Variants in PREX1 observed in about 807,000 individuals in gnomAD.
PREX1 encodes phosphatidylinositol-3,4,5-trisphosphate dependent Rac exchange factor 1, also known as phosphatidylinositol 3,4,5-trisphosphate-dependent Rac exchanger 1 protein.
PREX1 carries 41 observed loss-of-function variants against 198.3 expected under a neutral mutation model. That is an observed-to-expected ratio of 0.21 (90% CI 0.16 to 0.27). The LOEUF is 0.27. Ranked by LOEUF, PREX1 falls within the 10% of genes least tolerant of loss-of-function variation. The pLI, the probability that PREX1 is intolerant of heterozygous loss-of-function variation, is 1.00. For missense variants in PREX1, 1,620 were observed against 2,200.7 expected (o/e 0.74, Z 5.28); for synonymous variants, 843 against 887.2 (o/e 0.95, Z 0.89).
At chr20:48,641,910 A>AAG (rs2089416207) in intron 29 of PREX1, among the ~76,000 whole-genome samples, 1 of 117,506 alleles carries the variant, frequency 8.5e-6, no homozygotes. Context: ...AAGGAAGGAA[A>AAG]AGAAACAGGA....
chr20:48,677,896 G>C (rs534506061), intron 13 of PREX1, among the ~76,000 whole-genome samples: 72 of 152,188 alleles, frequency 4.7e-4, no homozygotes, highest in Middle Eastern at 6.8e-3. Flanking sequence ...TGATGCAGGA[G>C]AATCGCTTGA....
chr20:48,665,400 G>A lies in PREX1; in HGVS notation c.1738+883C>T, dbSNP rs540817849. 9.3e-5 allele frequency among the ~76,000 whole-genome samples: 14 copies of A among 149,996 alleles called. No individual in the cohort carries two copies. In the East Asian group the frequency reaches 1.6e-3, roughly 17 times the overall value. ...TCCAGATGGCCTGAATTCTAATCCC[G>A]CCCCAGATGGCCTGAATTCTAATCC... On this transcript the variant is annotated intron_variant, in intron 15 of 39. Coordinates refer to ENST00000371941, the MANE Select transcript of PREX1 (RefSeq NM_020820.4).
chr20:48,884,067 G>A, the PREX1 span, among the ~76,000 whole-genome samples: 1 of 148,426 alleles, frequency 6.7e-6, no homozygotes, highest in Non-Finnish European at 1.5e-5. Flanking sequence ...CGTGAACTCA[G>A]GAGGCGGAGC....
intron 4 of PREX1, among the ~76,000 whole-genome samples, chr20:48,726,678 A>G (rs2090012065): frequency 6.6e-6 from 1 of 152,230 alleles, no homozygotes; most frequent in Non-Finnish European, 1.5e-5. Flanking sequence ...TGTTGGGGAA[A>G]AAAAGGCCAT....
chr20:48,644,029 G>A (rs2089433405), intron 27 of PREX1, among the ~76,000 whole-genome samples: 1 of 152,180 alleles, frequency 6.6e-6, no homozygotes, highest in Non-Finnish European at 1.5e-5. Flanking sequence ...GTTTACACAT[G>A]TATCATTTTT....
At chr20:48,664,875 CT>C (rs202049499) in intron 15 of PREX1, among the ~76,000 whole-genome samples, 6 of 106,644 alleles carry the variant, frequency 5.6e-5, no homozygotes, top group Middle Eastern at 6.7e-3. Context: ...CTAATCCCGG[CT>C]CCAGACGGCC....
intron 19 of PREX1, among the ~76,000 whole-genome samples, chr20:48,654,464 G>A (rs1040862577): frequency 6.6e-6 from 1 of 152,208 alleles, no homozygotes; most frequent in South Asian, 2.1e-4. Context: ...ACTGCAGCAC[G>A]TTTAGCAGGA....
At chr20:48,671,983 G>T (rs1384238741) in intron 14 of PREX1, among the ~76,000 whole-genome samples, 1 of 152,214 alleles carries the variant, frequency 6.6e-6, no homozygotes, top group Non-Finnish European at 1.5e-5. Flanking sequence ...GGTGCCTGGG[G>T]TTGGGGGGCT....
chr20:48,848,949 G>A, the PREX1 span, among the ~76,000 whole-genome samples: 1 of 151,754 alleles, frequency 6.6e-6, no homozygotes, highest in African/African-American at 2.4e-5. Context: ...TATTGGTCAG[G>A]CTGGTCTCGA....
At chr20:48,820,809 C>T (rs375928090) in intron 1 of PREX1, among the ~76,000 whole-genome samples, 1 of 152,188 alleles carries the variant, frequency 6.6e-6, no homozygotes, top group Non-Finnish European at 1.5e-5. Context: ...AAAGAATGGT[C>T]CAGCCCCGTA....
the PREX1 span, among the ~76,000 whole-genome samples, chr20:48,874,877 C>CA: frequency 0.13 from 17,146 of 130,316 alleles, 1,045 homozygotes; most frequent in Middle Eastern, 0.18. Flanking sequence ...AACTGTGTCT[C>CA]AAAAAAAAAA....
intron 3 of PREX1, 44 bp from the exon 4 acceptor site, chr20:48,734,694 C>T (rs1286716534): frequency 6.4e-7 from 1 of 1,569,484 alleles, no homozygotes. Context: ...GTCATGGTAG[C>T]AGGCAGGTGC....
At chr20:48,638,246 CCA>C (rs376099113) in intron 30 of PREX1, among the ~76,000 whole-genome samples, 13 of 152,232 alleles carry the variant, frequency 8.5e-5, no homozygotes, top group African/African-American at 2.6e-4. Flanking sequence ...CAAGTGCACA[CCA>C]CACACGTGCA....
Position 48,624,622 on chromosome 20 carries a change from C to T in PREX1, c.*1263G>A, listed in dbSNP as rs919520126. The T allele has an allele frequency of 6.6e-6, 1 of 152,312 alleles. No homozygotes were observed. The highest frequency in any genetic ancestry group is 6.5e-5 in the Admixed American group (1 of 15,292). 9.4% of individuals were successfully genotyped at this position (152,312 alleles called of 1,614,324 possible). On this transcript the variant is annotated 3_prime_UTR_variant, in exon 40 of 40. Coordinates refer to ENST00000371941, the MANE Select transcript of PREX1 (RefSeq NM_020820.4). ...GCTTCCTCCCCAGCTGTGACCTTTC[C>T]CTGAAGGCATACCGAAGCTGGGGGG... is the stretch of plus-strand genomic sequence containing the variant.
intron 1 of PREX1, among the ~76,000 whole-genome samples, chr20:48,800,808 T>C (rs937383419): frequency 5.3e-5 from 8 of 152,008 alleles, no homozygotes; most frequent in Non-Finnish European, 1.0e-4. Context: ...CTAACCACTC[T>C]GGATGCAAAT....
At chr20:48,633,354 A>C (rs976967605) in intron 33 of PREX1, among the ~76,000 whole-genome samples, 1 of 152,264 alleles carries the variant, frequency 6.6e-6, no homozygotes, top group Non-Finnish European at 1.5e-5. Context: ...TTAATGTATA[A>C]TAAGCACAGA....
At chr20:48,729,129 G>A (rs2090022451) in intron 4 of PREX1, among the ~76,000 whole-genome samples, 1 of 151,892 alleles carries the variant, frequency 6.6e-6, no homozygotes, top group African/African-American at 2.4e-5. Flanking sequence ...CCAGGCTGGA[G>A]TGCAGTGTGC....
chr20:48,744,973 A>G, intron 3 of PREX1, 52 bp downstream of exon 3: 1 of 1,600,328 alleles, frequency 6.2e-7, no homozygotes, highest in East Asian at 2.2e-5. Flanking sequence ...CCCAGGGAGA[A>G]GCCCACTTTT....
the PREX1 span, among the ~76,000 whole-genome samples, chr20:48,850,339 G>C: frequency 1.3e-5 from 2 of 152,198 alleles, no homozygotes; most frequent in Non-Finnish European, 2.9e-5. Context: ...GGAGAGAAAG[G>C]AGTTTCCAGA....
Sources: gnomAD v4.1 joint callset for allele counts (sites outside exome capture counted in the v4.1 genomes callset) on GRCh38, gnomAD v4.1.1 for gene constraint, MANE v1.5 for transcripts, NCBI Gene and HGNC (gene_info 2026-07-23, HGNC 2026-07-21) for gene names.